The following NAV2 variants were observed in gnomAD, a reference collection of about 807,000 sequenced individuals.
NAV2 encodes the protein helicase, APC down-regulated 1.
A neutral mutation model predicts 223.2 loss-of-function variants in NAV2; 54 were observed. The observed-to-expected ratio is 0.24, with a 90% CI of 0.19 to 0.30. NAV2 has a LOEUF of 0.30. NAV2 is among the 10% of genes least tolerant of loss of function. NAV2 has a pLI of 1.00. For synonymous variants in NAV2, 1,279 were observed against 1,239.3 expected (o/e 1.03, Z -0.67); for missense variants, 2,806 against 3,147.5 (o/e 0.89, Z 2.60).
At chr11:20,083,311 A>T in intron 26 of NAV2, 132 bp downstream of exon 26, 1 of 673,848 alleles carries the variant, frequency 1.5e-6, no homozygotes, top group Non-Finnish European at 2.4e-6. Context: ...AGGACTGTGC[A>T]TGTTCTTTCA....
chr11:19,716,777 CAAT>C (rs565786851), intron 1 of NAV2, among the ~76,000 whole-genome samples: 86 of 152,242 alleles, frequency 5.6e-4, no homozygotes, highest in African/African-American at 2.0e-3. Flanking sequence ...AACATGGTAA[CAAT>C]AATAACAATG....
intron 1 of NAV2, among the ~76,000 whole-genome samples, chr11:19,437,306 A>C (rs1851248575): frequency 6.6e-6 from 1 of 152,156 alleles, no homozygotes; most frequent in South Asian, 2.1e-4. Flanking sequence ...CTATCTTCCC[A>C]AATGTACATG....
chr11:19,602,447 A>T (rs2046373960), intron 1 of NAV2, among the ~76,000 whole-genome samples: 1 of 152,126 alleles, frequency 6.6e-6, no homozygotes, highest in South Asian at 2.1e-4. Context: ...AAGTGCTGGG[A>T]TGACAGGCAT....
chr11:19,586,561 T>G (rs1184882378), intron 1 of NAV2, among the ~76,000 whole-genome samples: 1 of 152,252 alleles, frequency 6.6e-6, no homozygotes, highest in Middle Eastern at 3.2e-3. Context: ...GGTTTTGTTG[T>G]GGATGTCCTT....
intron 1 of NAV2, among the ~76,000 whole-genome samples, chr11:19,638,811 G>A (rs371355827): frequency 6.6e-6 from 1 of 152,032 alleles, no homozygotes; most frequent in Admixed American, 6.5e-5. Context: ...TGACCAACAC[G>A]GTGAAACCCC....
At chr11:19,479,028 A>G (rs1348739250) in intron 1 of NAV2, among the ~76,000 whole-genome samples, 2 of 151,844 alleles carry the variant, frequency 1.3e-5, no homozygotes, top group African/African-American at 4.8e-5. Context: ...TGGGGTAGAT[A>G]TTTTCATGGG....
At chr11:19,741,156 A>G (rs1276136402) in intron 1 of NAV2, among the ~76,000 whole-genome samples, 3 of 152,220 alleles carry the variant, frequency 2.0e-5, no homozygotes, top group African/African-American at 7.2e-5. Context: ...TTTTAATTGT[A>G]TAAATTTAAG....
At chr11:19,890,650 C>G (rs1470935403) in intron 5 of NAV2, among the ~76,000 whole-genome samples, 2 of 152,124 alleles carry the variant, frequency 1.3e-5, no homozygotes. Context: ...CAAGGGAGGC[C>G]CAGATCTTCA....
At chr11:19,643,955 T>C (rs925638972) in intron 1 of NAV2, among the ~76,000 whole-genome samples, 5 of 152,264 alleles carry the variant, frequency 3.3e-5, no homozygotes, top group Non-Finnish European at 7.3e-5. Context: ...AGCACGTACA[T>C]ACCAGGAACC....
Position 19,999,389 on chromosome 11 carries a change from A to T in NAV2, c.2768+15142A>T, listed in dbSNP as rs181112967. 2.0e-5 allele frequency among the ~76,000 whole-genome samples: 3 copies of T among 152,246 alleles called. No individual in the cohort carries two copies. In the East Asian group the frequency reaches 5.8e-4, roughly 29 times the overall value. On this transcript the variant is annotated intron_variant, in intron 11 of 37. Coordinates refer to ENST00000349880, the MANE Select transcript of NAV2 (RefSeq NM_145117.5). ...TTGGGAAAATGTGGGGTTTTTTTGG[A>T]TGGAGTTTTGCTCTTGTCACCCAGG...
chr11:19,688,143 G>A (rs1316019843), intron 1 of NAV2, among the ~76,000 whole-genome samples: 1 of 152,182 alleles, frequency 6.6e-6, no homozygotes, highest in African/African-American at 2.4e-5. Flanking sequence ...TTATCAAGCT[G>A]AAGTATTCTT....
chr11:19,757,609 G>A lies in NAV2; in HGVS notation c.267+43647G>A, dbSNP rs1341037652. The stretch of plus-strand genomic sequence containing the variant: ...TAAGATTCAGCAGCATGAACTAAGA[G>A]GATTTCTGGGAAAGTGCTTCATAGG... On this transcript the variant is annotated intron_variant, in intron 1 of 37. Transcript: ENST00000349880. Among the ~76,000 whole-genome samples the A allele has an allele frequency of 2.0e-5, 3 of 152,254 alleles. No individual in the cohort carries two copies. In the East Asian group the frequency reaches 5.8e-4, roughly 29 times the overall value.
chr11:19,446,516 A>G (rs1408629218), intron 1 of NAV2, among the ~76,000 whole-genome samples: 3 of 152,112 alleles, frequency 2.0e-5, no homozygotes, highest in Admixed American at 2.0e-4. Flanking sequence ...AGCTCTCCAG[A>G]GAATGGAGTT....
At chr11:19,477,695 G>A (rs1366977279) in intron 1 of NAV2, among the ~76,000 whole-genome samples, 1 of 152,194 alleles carries the variant, frequency 6.6e-6, no homozygotes, top group Non-Finnish European at 1.5e-5. Flanking sequence ...ATGGCTGAAG[G>A]TTTACCTGAG....
At chr11:19,492,381 A>G (rs1383252330) in intron 1 of NAV2, among the ~76,000 whole-genome samples, 1 of 152,082 alleles carries the variant, frequency 6.6e-6, no homozygotes, top group Non-Finnish European at 1.5e-5. Flanking sequence ...CCAAATGTGG[A>G]TATGTCCCTA....
At chr11:19,883,744 T>C (rs529215663) in intron 5 of NAV2, among the ~76,000 whole-genome samples, 41 of 152,180 alleles carry the variant, frequency 2.7e-4, no homozygotes, top group Non-Finnish European at 4.9e-4. Context: ...TATGTACCAA[T>C]TTATAGTACA....
chr11:19,383,460 G>T (rs1217079989), intron 1 of NAV2, among the ~76,000 whole-genome samples: 2 of 152,168 alleles, frequency 1.3e-5, no homozygotes, highest in Non-Finnish European at 2.9e-5. Flanking sequence ...TATTTACATT[G>T]TTATAGCAGT....
intron 1 of NAV2, among the ~76,000 whole-genome samples, chr11:19,733,089 C>T (rs1403649608): frequency 6.6e-6 from 1 of 152,218 alleles, no homozygotes; most frequent in Admixed American, 6.5e-5. Flanking sequence ...ATCATTTCCC[C>T]CTCCAATGGG....
intron 6 of NAV2, among the ~76,000 whole-genome samples, chr11:19,900,220 G>A (rs539851174): frequency 3.1e-5 from 4 of 127,032 alleles, no homozygotes; most frequent in Admixed American, 8.4e-5. Flanking sequence ...GGCTAAGTAG[G>A]CAGGATGGAT....
Sources: allele counts gnomAD v4.1 joint callset (sites outside exome capture counted in the v4.1 genomes callset), GRCh38; gene constraint gnomAD v4.1.1; transcripts MANE v1.5; gene names NCBI Gene and HGNC (gene_info 2026-07-23, HGNC 2026-07-21).